Variants in GLT8D2 observed in about 807,000 individuals in gnomAD.
GLT8D2 encodes the protein glycosyltransferase 8 domain containing 2.
In GLT8D2, 45 loss-of-function variants were observed where a neutral mutation model predicts 44.5. The ratio of observed to expected loss-of-function variants is 1.01; its 90% CI spans 0.80 to 1.30. GLT8D2 has a LOEUF of 1.30. Among genes scored for constraint, GLT8D2 ranks in the 50% most tolerant of loss-of-function variants. The pLI is 0.00. For synonymous variants in GLT8D2, 156 were observed against 157.2 expected, an observed-to-expected ratio of 0.99 and a Z score of 0.06; for missense variants, 400 against 430.4, an observed-to-expected ratio of 0.93 and a Z score of 0.62.
intron 2 of GLT8D2, 133 bp from the exon 3 acceptor site, chr12:104,019,809 T>C: frequency 1.8e-6 from 1 of 552,232 alleles, no homozygotes; most frequent in Non-Finnish European, 3.1e-6. Flanking sequence ...CTGCTCCAAA[T>C]CTAAAATTTT....
In GLT8D2 at chr12:104,018,592, G is replaced by A. The variant is rs369287152; in HGVS notation, c.19+1038C>T. Among the ~76,000 whole-genome samples the A allele has an allele frequency of 6.6e-5, 10 of 152,106 alleles. 1 individual carries two copies. The East Asian group carries it at 1.2e-3, about 18-fold the overall frequency. On this transcript the variant is annotated intron_variant, in intron 3 of 10. Transcript: ENST00000360814. Reference sequence around the variant, plus strand: ...GGCCCGATTAATATTCACCTGCCACGGCCGGGCGCAGTGCCTCACACCTGT... The same window carrying A: ...GGCCCGATTAATATTCACCTGCCACAGCCGGGCGCAGTGCCTCACACCTGT...
intron 2 of GLT8D2, 105 bp from the exon 3 acceptor site, chr12:104,019,781 G>A (rs1204860843): frequency 1.1e-5 from 7 of 649,328 alleles, no homozygotes; most frequent in South Asian, 8.9e-5. Flanking sequence ...ATATCGTGAA[G>A]TGTGTGATCA....
chr12:103,989,961 A>T (rs1346353454), intron 10 of GLT8D2, among the ~76,000 whole-genome samples: 1 of 151,824 alleles, frequency 6.6e-6, no homozygotes, highest in Non-Finnish European at 1.5e-5. Context: ...GACTGTATAG[A>T]ATGATACTAT....
chr12:104,010,054 T>C (rs1875618291), intron 4 of GLT8D2, among the ~76,000 whole-genome samples: 1 of 152,230 alleles, frequency 6.6e-6, no homozygotes. Flanking sequence ...GATTATTCCT[T>C]TTGGACTAAG....
chr12:104,045,892 T>TAAAA (rs1555281857), intron 1 of GLT8D2, among the ~76,000 whole-genome samples: 1 of 112,028 alleles, frequency 8.9e-6, no homozygotes, highest in Non-Finnish European at 1.8e-5. Flanking sequence ...AAAAGAAAGA[T>TAAAA]AAGAAAGAAA....
At chr12:103,989,747 A>G (rs969575473) in intron 10 of GLT8D2, among the ~76,000 whole-genome samples, 170 bp from the exon 11 acceptor site, 31 of 152,160 alleles carry the variant, frequency 2.0e-4, no homozygotes, top group African/African-American at 7.2e-4. Context: ...GTCTCTTGTG[A>G]ATCCTTCTAG....
chr12:104,036,784 C>T (rs1879971823), intron 1 of GLT8D2, among the ~76,000 whole-genome samples: 1 of 152,186 alleles, frequency 6.6e-6, no homozygotes, highest in Non-Finnish European at 1.5e-5. Flanking sequence ...ATATCCAAGA[C>T]TTGAGCTCAG....
Position 103,989,368 on chromosome 12 carries a change from C to T in GLT8D2, c.*40G>A, listed in dbSNP as rs766190040. ...ATAGTTGGCTACAAAGGGACAATTCCACATTTCTATACAGGGAATATTTTA... is the reference window on the plus strand; with the variant it reads ...ATAGTTGGCTACAAAGGGACAATTCTACATTTCTATACAGGGAATATTTTA... On this transcript the variant is annotated 3_prime_UTR_variant, in exon 11 of 11. Coordinates refer to ENST00000360814, the MANE Select transcript of GLT8D2 (RefSeq NM_001384711.1). The T allele has an allele frequency of 1.3e-6, 2 of 1,492,088 alleles. No individual in the cohort carries two copies. Among genetic ancestry groups the T allele is most frequent in the Admixed American group, 2.1e-5 (1 of 46,848 alleles). The allele number at this position is 1,492,088 out of a possible 1,614,324, so 92.4% of individuals were successfully genotyped here. A position where few individuals can be genotyped will look rare whatever the true frequency, so the allele number is the denominator to read the frequency against.
rs1368608035 is a variant in GLT8D2 at position 104,020,170 on chromosome 12, T to A, written c.-28-494A>T. Among the ~76,000 whole-genome samples, 5 of 152,122 alleles carry A rather than the reference T, an allele frequency of 3.3e-5. No homozygotes were observed. The South Asian group carries it at 1.0e-3, about 32-fold the overall frequency. On this transcript the variant is annotated intron_variant, in intron 2 of 10. Transcript: ENST00000360814. ...CTCCTAGCCTCAAGCAATCCATCCA[T>A]CTTAGCCTCCCAAAGTGCTGGGATT...
At chr12:104,018,306 A>C (rs918825541) in intron 3 of GLT8D2, among the ~76,000 whole-genome samples, 12 of 152,008 alleles carry the variant, frequency 7.9e-5, no homozygotes, top group Non-Finnish European at 1.3e-4. Flanking sequence ...GCATCAAGAG[A>C]CTTAATCTAT....
intron 6 of GLT8D2, among the ~76,000 whole-genome samples, chr12:103,997,971 C>T (rs950888050): frequency 6.6e-6 from 1 of 150,648 alleles, no homozygotes; most frequent in Non-Finnish European, 1.5e-5. Flanking sequence ...GTCATTCCAA[C>T]AGCAAGCTCA....
rs747344462 is a variant in GLT8D2 at position 103,989,465 on chromosome 12, C to G, written c.993G>C (p.Trp331Cys). The G allele has an allele frequency of 5.0e-6, 8 of 1,613,486 alleles. 1 individual carries two copies. In the South Asian group the frequency reaches 8.8e-5, roughly 18 times the overall value. ...WDFPSVHNDL[W>C]ESWFVPDPAG... ...CAGGGTCAGGAACAAACCAGCTTTC[C>G]CATAAGTCGTTGTGAACACTAGGGA... Residue 331 changes from tryptophan (W) to cysteine (C), a missense_variant, in exon 11 of 11, where the codon TGG (tryptophan) becomes TGC (cysteine). Transcript: ENST00000360814.
chr12:104,032,779 G>A (rs1305513555), intron 1 of GLT8D2, among the ~76,000 whole-genome samples: 3 of 151,570 alleles, frequency 2.0e-5, no homozygotes, highest in Non-Finnish European at 4.4e-5. Context: ...TCAAAATAGA[G>A]CTACCATATG....
intron 4 of GLT8D2, among the ~76,000 whole-genome samples, chr12:104,007,270 C>CT (rs1875188400): frequency 6.9e-6 from 1 of 144,544 alleles, no homozygotes; most frequent in Admixed American, 6.9e-5. Flanking sequence ...CTCTCTCCCC[C>CT]CGCTCTCTCC....
chr12:104,002,372 A>G (rs1311589138), intron 5 of GLT8D2, among the ~76,000 whole-genome samples: 1 of 152,140 alleles, frequency 6.6e-6, no homozygotes, highest in Non-Finnish European at 1.5e-5. Context: ...TAACAATTCT[A>G]TATTTTGGAT....
At chr12:104,040,815 C>T (rs1566211099) in intron 1 of GLT8D2, among the ~76,000 whole-genome samples, 1 of 152,164 alleles carries the variant, frequency 6.6e-6, no homozygotes, top group Non-Finnish European at 1.5e-5. Context: ...TGTGTTGTGA[C>T]TTTACTGGGT....
chr12:104,034,759 T>C (rs1372814685), intron 1 of GLT8D2, among the ~76,000 whole-genome samples: 3 of 152,210 alleles, frequency 2.0e-5, no homozygotes, highest in African/African-American at 7.2e-5. Flanking sequence ...GACTTAAACA[T>C]CCCTGTCTGA....
intron 3 of GLT8D2, among the ~76,000 whole-genome samples, chr12:104,017,019 G>A (rs917656361): frequency 1.3e-5 from 2 of 152,164 alleles, no homozygotes; most frequent in African/African-American, 4.8e-5. Flanking sequence ...GAGAAGTAGA[G>A]TGGTGTAAAA....
intron 1 of GLT8D2, among the ~76,000 whole-genome samples, chr12:104,059,677 G>C (rs1190739450): frequency 2.3e-5 from 3 of 131,090 alleles, no homozygotes; most frequent in African/African-American, 3.3e-5. Flanking sequence ...TCTTGAAGGA[G>C]AGTGGGTACA....
Sources: allele counts gnomAD v4.1 joint callset (sites outside exome capture counted in the v4.1 genomes callset), GRCh38; gene constraint gnomAD v4.1.1; transcripts MANE v1.5; gene names NCBI Gene and HGNC (gene_info 2026-07-23, HGNC 2026-07-21).